DYM: variants seen among roughly 807,000 people sequenced by gnomAD.
The protein encoded by DYM is dyggve-Melchior-Clausen syndrome protein.
Under a neutral mutation model 93.1 loss-of-function variants are expected in DYM, and 78 were observed. The ratio of observed to expected loss-of-function variants is 0.84; its 90% CI spans 0.70 to 1.01. DYM has a LOEUF of 1.01. Ranked by LOEUF, DYM falls within the 50% of genes least tolerant of loss-of-function variation. The pLI is 0.00. For missense variants in DYM, 789 were observed against 845.0 expected (o/e 0.93, Z 0.82); for synonymous variants, 321 against 319.7 (o/e 1.00, Z -0.04).
At chr18:49,214,999 T>C (rs938355434) in intron 13 of DYM, among the ~76,000 whole-genome samples, 4 of 152,220 alleles carry the variant, frequency 2.6e-5, no homozygotes, top group Non-Finnish European at 5.9e-5. Context: ...TTCGCACTGC[T>C]CTTACTATAC....
chr18:49,349,629 T>G (rs931175547), intron 6 of DYM, among the ~76,000 whole-genome samples: 3 of 152,310 alleles, frequency 2.0e-5, no homozygotes, highest in African/African-American at 7.2e-5. Context: ...TTAAGAGATA[T>G]TCAACTTCAC....
intron 1 of DYM, among the ~76,000 whole-genome samples, chr18:49,457,700 C>G (rs528324021): frequency 6.6e-6 from 1 of 152,290 alleles, no homozygotes; most frequent in East Asian, 1.9e-4. Flanking sequence ...ACATACTAAT[C>G]CATGGAAGCT....
At chr18:49,092,171 T>C (rs1410384513) in intron 17 of DYM, among the ~76,000 whole-genome samples, 1 of 152,230 alleles carries the variant, frequency 6.6e-6, no homozygotes, top group Non-Finnish European at 1.5e-5. Context: ...CTAATTACTT[T>C]ACTGTACCAT....
chr18:49,097,317 G>T, intron 17 of DYM, 85 bp downstream of exon 17: 1 of 1,223,950 alleles, frequency 8.2e-7, no homozygotes, highest in Non-Finnish European at 1.2e-6. Flanking sequence ...TAAGCAGCAT[G>T]ATTCTGGATA....
intron 14 of DYM, among the ~76,000 whole-genome samples, chr18:49,190,624 C>T (rs781054726): frequency 1.3e-5 from 2 of 152,028 alleles, no homozygotes; most frequent in Admixed American, 6.5e-5. Context: ...GATACAAGAA[C>T]GAACTTAAAA....
intron 5 of DYM, among the ~76,000 whole-genome samples, chr18:49,371,069 C>T (rs79512236): frequency 0.091 from 13,881 of 152,166 alleles, 854 homozygotes; most frequent in East Asian, 0.31. Context: ...CAGTCAGTGG[C>T]AAGGAATGGG....
In DYM at chr18:49,285,119, T is replaced by C. The variant is rs551432205; in HGVS notation, c.946+1315A>G. Among the ~76,000 whole-genome samples the C allele has an allele frequency of 3.3e-5, 5 of 152,318 alleles. No homozygotes were observed. The East Asian group carries it at 7.7e-4, about 23-fold the overall frequency. On this transcript the variant is annotated intron_variant, in intron 9 of 17. Transcript: ENST00000675505. ...AACCTGCCGGTGCCTGCATCTTAGA[T>C]TGACTTCCCAGCCTTCAGAACTGTG... is the stretch of plus-strand genomic sequence containing the variant.
At chr18:49,435,045 T>C (rs1486182515) in intron 1 of DYM, among the ~76,000 whole-genome samples, 2 of 151,340 alleles carry the variant, frequency 1.3e-5, no homozygotes, top group South Asian at 2.1e-4. Flanking sequence ...TCATCTCTAC[T>C]AAAAATACAA....
chr18:49,180,960 TATGTTAGCAACAA>T (rs2089870811), intron 14 of DYM, among the ~76,000 whole-genome samples: 1 of 152,206 alleles, frequency 6.6e-6, no homozygotes, highest in Admixed American at 6.5e-5. Flanking sequence ...CAACTTGTTA[TATGTTAGCAACAA>T]ATTCTAACTT....
chr18:49,145,110 T>C lies in DYM; in HGVS notation c.1728+18575A>G, dbSNP rs117852754. 5.4e-3 allele frequency among the ~76,000 whole-genome samples: 268 copies of C among 50,004 alleles called. 11 individuals carry two copies. Among genetic ancestry groups the C allele is most frequent in the Non-Finnish European group, 9.2e-3 (190 of 20,636 alleles). The allele number at this position is 50,004 out of a possible 152,430, so 32.8% of individuals were successfully genotyped here. A position where few individuals can be genotyped will look rare whatever the true frequency, so the allele number is the denominator to read the frequency against. On this transcript the variant is annotated intron_variant, in intron 15 of 17. Transcript: ENST00000675505. The stretch of plus-strand genomic sequence containing the variant: ...CAAGATCCCGTCTCAAAAAAATTCA[T>C]ATATATATATATATATATATATATA...
intron 17 of DYM, among the ~76,000 whole-genome samples, chr18:49,064,249 C>T (rs147629907): frequency 2.0e-3 from 305 of 152,194 alleles, no homozygotes; most frequent in South Asian, 9.3e-3. Context: ...TAGGCAGATT[C>T]GAGTTTGGAA....
intron 2 of DYM, among the ~76,000 whole-genome samples, chr18:49,409,101 T>C (rs1276858795): frequency 1.3e-5 from 2 of 151,898 alleles, no homozygotes; most frequent in East Asian, 1.9e-4. Context: ...CCTGCCAACA[T>C]AGCGAAACCC....
intron 8 of DYM, among the ~76,000 whole-genome samples, chr18:49,294,114 T>A (rs2060359312): frequency 6.6e-6 from 1 of 152,194 alleles, no homozygotes; most frequent in Non-Finnish European, 1.5e-5. Flanking sequence ...TTGTCAAAGA[T>A]CAGATGGCTG....
At chr18:49,242,369 G>A (rs2094036235) in intron 13 of DYM, among the ~76,000 whole-genome samples, 2 of 152,166 alleles carry the variant, frequency 1.3e-5, no homozygotes, top group Non-Finnish European at 2.9e-5. Flanking sequence ...AGTGGGAAGT[G>A]CCACTACACT....
intron 14 of DYM, 21 bp from the exon 15 acceptor site, chr18:49,163,808 C>T: frequency 6.8e-7 from 1 of 1,476,722 alleles, no homozygotes; most frequent in Non-Finnish European, 9.4e-7. Flanking sequence ...AAACAAAAAA[C>T]CAATTATATT....
chr18:49,421,238 G>C (rs1944129796), intron 2 of DYM, among the ~76,000 whole-genome samples: 1 of 152,186 alleles, frequency 6.6e-6, no homozygotes. Context: ...CTAACTGGGA[G>C]GCACCTCCCA....
At chr18:49,155,767 G>A (rs913405596) in intron 15 of DYM, among the ~76,000 whole-genome samples, 11 of 152,102 alleles carry the variant, frequency 7.2e-5, no homozygotes, top group African/African-American at 2.7e-4. Flanking sequence ...ATCTCACATG[G>A]TATCTCACAT....
At chr18:49,079,423 T>TA (rs1298422272) in intron 17 of DYM, among the ~76,000 whole-genome samples, 1 of 152,108 alleles carries the variant, frequency 6.6e-6, no homozygotes, top group African/African-American at 2.4e-5. Context: ...TTATTTTTTT[T>TA]ATTGATCATT....
intron 8 of DYM, among the ~76,000 whole-genome samples, chr18:49,327,674 T>C (rs1006259093): frequency 3.3e-5 from 5 of 152,052 alleles, no homozygotes; most frequent in Admixed American, 6.6e-5. Flanking sequence ...TATACATCTT[T>C]GAAATTTTCT....
Sources: allele counts gnomAD v4.1 joint callset (sites outside exome capture counted in the v4.1 genomes callset), GRCh38; gene constraint gnomAD v4.1.1; transcripts MANE v1.5; gene names NCBI Gene and HGNC (gene_info 2026-07-23, HGNC 2026-07-21).